The following PTPN13 variants were observed in gnomAD, a reference collection of about 807,000 sequenced individuals.
PTPN13 encodes tyrosine-protein phosphatase non-receptor type 13.
A neutral mutation model predicts 284.0 loss-of-function variants in PTPN13; 191 were observed. The ratio of observed to expected loss-of-function variants is 0.67; its 90% CI spans 0.60 to 0.76. PTPN13 has a LOEUF of 0.76. PTPN13 is among the 30% of genes least tolerant of loss of function. PTPN13 has a pLI of 0.00. For missense variants in PTPN13, 2,797 were observed against 2,939.9 expected (o/e 0.95, Z 1.12); for synonymous variants, 986 against 1,022.3 (o/e 0.96, Z 0.68).
intron 17 of PTPN13, among the ~76,000 whole-genome samples, chr4:86,748,308 G>T (rs1737005296): frequency 6.6e-6 from 1 of 152,144 alleles, no homozygotes; most frequent in African/African-American, 2.4e-5. Context: ...TAGGATACAG[G>T]CTCATTCTAA....
chr4:86,747,555 A>G (rs1404972213), intron 17 of PTPN13, among the ~76,000 whole-genome samples: 1 of 144,530 alleles, frequency 6.9e-6, no homozygotes, highest in Non-Finnish European at 1.5e-5. Context: ...CAGCGGCAGC[A>G]GCAGCAGCAG....
chr4:86,775,118 C>A, intron 33 of PTPN13, 53 bp from the exon 34 acceptor site: 1 of 1,352,660 alleles, frequency 7.4e-7, no homozygotes, highest in Non-Finnish European at 1.0e-6. Context: ...GGCAATTTAG[C>A]TTCTCTTTTC....
At chr4:86,740,907 C>G (rs1270806985) in intron 15 of PTPN13, among the ~76,000 whole-genome samples, 5 of 149,690 alleles carry the variant, frequency 3.3e-5, no homozygotes. Flanking sequence ...CTGCCAATCT[C>G]TTTGCAAAAA....
At chr4:86,640,063 G>C (rs1723599534) in intron 2 of PTPN13, among the ~76,000 whole-genome samples, 1 of 152,178 alleles carries the variant, frequency 6.6e-6, no homozygotes, top group African/African-American at 2.4e-5. Flanking sequence ...CAGGGGAAGA[G>C]TGTTTGGGGA....
rs531612365 is a variant in PTPN13, at chr4:86,719,182, A to G, written c.1385+2065A>G. ...ATCAGTTGTTTCCTTCTTTGTGTTC[A>G]GAAGTTCTTATCATTTAGCTCCCAC... is the stretch of plus-strand genomic sequence containing the variant. On this transcript the variant is annotated intron_variant, in intron 9 of 47. Transcript: ENST00000411767. Among the ~76,000 whole-genome samples the G allele has an allele frequency of 6.6e-5, 10 of 152,226 alleles. No individual in the cohort carries two copies. The East Asian group carries it at 1.5e-3, about 24-fold the overall frequency.
intron 1 of PTPN13, among the ~76,000 whole-genome samples, chr4:86,618,476 A>T (rs1720844660): frequency 6.6e-6 from 1 of 152,206 alleles, no homozygotes; most frequent in South Asian, 2.1e-4. Context: ...AGTCATTGGT[A>T]GCTTGATGGG....
intron 41 of PTPN13, 82 bp downstream of exon 41, chr4:86,797,011 T>TA: frequency 2.1e-6 from 2 of 970,216 alleles, no homozygotes; most frequent in South Asian, 1.6e-5. Context: ...TTTTCCAGTA[T>TA]AAAATAAGCA....
Position 86,728,654 on chromosome 4 carries a change from T to TA in PTPN13, c.1609-3746_1609-3745insA, listed in dbSNP as rs1264512583. 5.0e-3 allele frequency among the ~76,000 whole-genome samples: 500 copies of TA among 100,940 alleles called. 14 individuals carry two copies. Among genetic ancestry groups the TA allele is most frequent in the African/African-American group, 0.018 (488 of 26,478 alleles). The allele number at this position is 100,940 out of a possible 152,430, so 66.2% of individuals were successfully genotyped here. A position where few individuals can be genotyped will look rare whatever the true frequency, so the allele number is the denominator to read the frequency against. On this transcript the variant is annotated intron_variant, in intron 10 of 47. Transcript: ENST00000411767. ...ATTGCAACCCCTGCCTTTTTTTTTT[T>TA]TTTTTTTTTTTTTTTTTTTTTTTGC...
At chr4:86,635,679 T>A (rs747576459) in intron 2 of PTPN13, among the ~76,000 whole-genome samples, 1 of 152,064 alleles carries the variant, frequency 6.6e-6, no homozygotes. Context: ...AACAAAATAT[T>A]TGGGCCAGGT....
intron 1 of PTPN13, among the ~76,000 whole-genome samples, chr4:86,618,407 T>C (rs199594537): frequency 0.17 from 25,212 of 151,790 alleles, 2,369 homozygotes; most frequent in East Asian, 0.29. Flanking sequence ...CTTGGCGATG[T>C]GGGCTCTTTT....
At chr4:86,668,588 T>G (rs1247893779) in intron 2 of PTPN13, among the ~76,000 whole-genome samples, 1 of 151,900 alleles carries the variant, frequency 6.6e-6, no homozygotes, top group Non-Finnish European at 1.5e-5. Context: ...TTCTCATTTT[T>G]GTTTTCTTTC....
intron 1 of PTPN13, among the ~76,000 whole-genome samples, chr4:86,629,496 G>C (rs1238960452): frequency 6.6e-6 from 1 of 152,004 alleles, no homozygotes; most frequent in African/African-American, 2.4e-5. Context: ...TTACACTGTT[G>C]GTGGGACTGT....
At chr4:86,692,143 T>C (rs1248765139) in intron 5 of PTPN13, among the ~76,000 whole-genome samples, 3 of 152,186 alleles carry the variant, frequency 2.0e-5, no homozygotes, top group Non-Finnish European at 4.4e-5. Flanking sequence ...TGTTTGAGGA[T>C]TAAATAGCAC....
intron 2 of PTPN13, among the ~76,000 whole-genome samples, chr4:86,645,988 T>C (rs1221848476): frequency 6.6e-6 from 1 of 151,996 alleles, no homozygotes; most frequent in Non-Finnish European, 1.5e-5. Context: ...CATAACAGCA[T>C]CCAGAAATAA....
At chr4:86,613,043 G>A (rs1331359451) in intron 1 of PTPN13, among the ~76,000 whole-genome samples, 1 of 152,152 alleles carries the variant, frequency 6.6e-6, no homozygotes, top group Non-Finnish European at 1.5e-5. Flanking sequence ...CACTGGAAAT[G>A]CTAACTACAT....
chr4:86,736,413 T>C (rs767006149), intron 15 of PTPN13, among the ~76,000 whole-genome samples: 4 of 152,206 alleles, frequency 2.6e-5, no homozygotes, highest in Non-Finnish European at 4.4e-5. Flanking sequence ...CTGTTTTAGC[T>C]TCCTAGGATG....
At chr4:86,609,646 C>CT (rs35381761) in intron 1 of PTPN13, among the ~76,000 whole-genome samples, 3 of 151,964 alleles carry the variant, frequency 2.0e-5, no homozygotes, top group East Asian at 1.9e-4. Context: ...TTCTGCTTTT[C>CT]TTTTTTTTCC....
At chr4:86,645,207 A>G (rs1207603551) in intron 2 of PTPN13, among the ~76,000 whole-genome samples, 2 of 152,086 alleles carry the variant, frequency 1.3e-5, no homozygotes, top group African/African-American at 2.4e-5. Flanking sequence ...AAACAAACAA[A>G]CAAACAAGCA....
rs1449149989 is a variant in PTPN13, at chr4:86,727,814, T to C, written c.1609-4586T>C. On this transcript the variant is annotated intron_variant, in intron 10 of 47. Transcript: ENST00000411767. ...AAGGGTTTTTTCTGTCTCTATCTCC[T>C]TCAGTTCTGCTCTGATCTTAGTTAT... 1.3e-5 allele frequency among the ~76,000 whole-genome samples: 2 copies of C among 149,558 alleles called. 1 individual carries two copies. The highest frequency in any genetic ancestry group is 3.0e-5 in the Non-Finnish European group (2 of 66,658).
Sources: allele counts gnomAD v4.1 joint callset (sites outside exome capture counted in the v4.1 genomes callset), GRCh38; gene constraint gnomAD v4.1.1; transcripts MANE v1.5; gene names NCBI Gene and HGNC (gene_info 2026-07-23, HGNC 2026-07-21).